DTWD2: variants seen among roughly 807,000 people sequenced by gnomAD.
DTWD2 encodes the protein tRNA-uridine aminocarboxypropyltransferase 2.
Under a neutral mutation model 31.8 loss-of-function variants are expected in DTWD2, and 39 were observed. The observed-to-expected ratio is 1.22, with a 90% CI of 0.95 to 1.60. DTWD2 has a LOEUF of 1.60. DTWD2 is among the 40% of genes most tolerant of loss of function. DTWD2 has a pLI of 0.00. For missense variants in DTWD2, 515 were observed against 381.5 expected (o/e 1.35, Z -2.92); for synonymous variants, 180 against 142.8 (o/e 1.26, Z -1.86).
Position 118,983,582 on chromosome 5 carries a change from T to G in DTWD2, c.218+4712A>C, listed in dbSNP as rs1178559217. ...CTCCAGAATATCCAAGCCTAAAGAA[T>G]AAGGAAAAGGTAATGATATGTGGAA... is the stretch of plus-strand genomic sequence containing the variant. On this transcript the variant is annotated intron_variant, in intron 1 of 5. Transcript: ENST00000510708. 2.6e-5 allele frequency among the ~76,000 whole-genome samples: 4 copies of G among 151,704 alleles called. No individual in the cohort carries two copies. In the South Asian group the frequency reaches 8.3e-4, roughly 32 times the overall value.
chr5:118,923,727 C>T (rs927587824), intron 4 of DTWD2, among the ~76,000 whole-genome samples: 1 of 152,162 alleles, frequency 6.6e-6, no homozygotes, highest in Admixed American at 6.5e-5. Flanking sequence ...GGTCTCTTTT[C>T]CTGCTTTATG....
intron 4 of DTWD2, among the ~76,000 whole-genome samples, chr5:118,884,685 C>T (rs531435779): frequency 1.5e-4 from 23 of 152,052 alleles, no homozygotes; most frequent in Non-Finnish European, 2.8e-4. Flanking sequence ...CCTATTTCTC[C>T]GGATGGTCAA....
rs533910875 is a variant in DTWD2 at position 118,973,884 on chromosome 5, G to A, written c.218+14410C>T. Reference sequence around the variant, plus strand: ...GAAGTTGTGGAAGAGGCAGAAAATGGAAGAGACGCCCCTGCTAACGGGAAT... The same window carrying A: ...GAAGTTGTGGAAGAGGCAGAAAATGAAAGAGACGCCCCTGCTAACGGGAAT... On this transcript the variant is annotated intron_variant, in intron 1 of 5. Transcript: ENST00000510708. 2.2e-4 allele frequency: 350 copies of A among 1,610,612 alleles called. No homozygotes were observed. The African/African-American group carries it at 4.1e-3, about 19-fold the overall frequency.
intron 1 of DTWD2, among the ~76,000 whole-genome samples, chr5:118,970,392 A>T (rs1378745102): frequency 2.0e-5 from 3 of 152,316 alleles, no homozygotes; most frequent in South Asian, 4.1e-4. Context: ...GCACCACGGC[A>T]CTCCAGCCTG....
chr5:118,913,567 G>C (rs983242395), intron 4 of DTWD2, among the ~76,000 whole-genome samples: 2 of 151,646 alleles, frequency 1.3e-5, no homozygotes, highest in African/African-American at 4.8e-5. Context: ...TATTTCACTT[G>C]TCACAAGAAC....
intron 1 of DTWD2, among the ~76,000 whole-genome samples, chr5:118,985,668 G>T (rs1403624151): frequency 2.0e-5 from 3 of 151,636 alleles, no homozygotes; most frequent in Non-Finnish European, 2.9e-5. Context: ...TAATTTCGAA[G>T]ACTGCCAAAG....
intron 4 of DTWD2, among the ~76,000 whole-genome samples, chr5:118,920,635 C>T (rs1753681999): frequency 6.6e-6 from 1 of 152,022 alleles, no homozygotes; most frequent in African/African-American, 2.4e-5. Context: ...AATGAAATCA[C>T]AATTTCAAAA....
intron 4 of DTWD2, among the ~76,000 whole-genome samples, chr5:118,916,386 C>A (rs1328545050): frequency 2.6e-5 from 4 of 152,136 alleles, no homozygotes; most frequent in Non-Finnish European, 5.9e-5. Flanking sequence ...GACATTAAGG[C>A]CGGGTGCAGT....
intron 4 of DTWD2, among the ~76,000 whole-genome samples, chr5:118,873,955 C>A (rs1051938298): frequency 1.3e-5 from 2 of 152,228 alleles, no homozygotes; most frequent in Non-Finnish European, 2.9e-5. Flanking sequence ...CATCCACCAG[C>A]ACTCTGTTGC....
In DTWD2 at chr5:118,988,307, A is replaced by T. The variant is rs1440866380; in HGVS notation, c.205T>A (p.Cys69Ser). ...CCCCGCGGTCACCTGCAGCGGGTGC[A>T]CTCAGGCCTCCGCTCGGCCGGCTCC... ...PVEPAERRPE[C>S]TRCSRPQKVC... The change falls in exon 1 of 6, where the codon TGC (cysteine) becomes AGC (serine). Residue 69 changes from cysteine (C) to serine (S), a missense_variant. Transcript: ENST00000510708. The T allele has an allele frequency of 2.0e-6, 3 of 1,523,708 alleles. No homozygotes were observed. Among genetic ancestry groups the T allele is most frequent in the Admixed American group, 4.1e-5 (2 of 48,598 alleles). 94.4% of individuals were successfully genotyped at this position (1,523,708 alleles called of 1,614,324 possible).
chr5:118,917,969 A>G (rs1017892448), intron 4 of DTWD2, among the ~76,000 whole-genome samples: 1 of 151,944 alleles, frequency 6.6e-6, no homozygotes, highest in Non-Finnish European at 1.5e-5. Flanking sequence ...TCAAAAAAAA[A>G]AAACCATCCA....
chr5:118,946,658 G>T (rs1308481104), intron 1 of DTWD2, among the ~76,000 whole-genome samples: 1 of 152,026 alleles, frequency 6.6e-6, no homozygotes, highest in Non-Finnish European at 1.5e-5. Context: ...GGTAGAGTTT[G>T]ACTTTGAATT....
At chr5:118,860,175 C>A (rs1426443414) in intron 4 of DTWD2, among the ~76,000 whole-genome samples, 1 of 149,350 alleles carries the variant, frequency 6.7e-6, no homozygotes, top group African/African-American at 2.4e-5. Context: ...ACTGCTATAA[C>A]TCATTATATA....
At chr5:118,852,618 T>C (rs1423626526) in intron 4 of DTWD2, among the ~76,000 whole-genome samples, 2 of 152,180 alleles carry the variant, frequency 1.3e-5, no homozygotes, top group South Asian at 4.1e-4. Context: ...ACACTGCTTG[T>C]GGGAATGTAA....
At chr5:118,846,118 T>C (rs979476910) in intron 5 of DTWD2, among the ~76,000 whole-genome samples, 1 of 152,186 alleles carries the variant, frequency 6.6e-6, no homozygotes, top group African/African-American at 2.4e-5. Flanking sequence ...CTAGAACATT[T>C]GTAAAATAAA....
At chr5:118,954,481 G>C (rs1754541035) in intron 1 of DTWD2, among the ~76,000 whole-genome samples, 1 of 152,134 alleles carries the variant, frequency 6.6e-6, no homozygotes, top group South Asian at 2.1e-4. Context: ...ACCTGGCATA[G>C]TAGGTGCTCA....
chr5:118,931,368 A>C (rs562374096), intron 3 of DTWD2, among the ~76,000 whole-genome samples: 1 of 150,796 alleles, frequency 6.6e-6, no homozygotes, highest in African/African-American at 2.4e-5. Flanking sequence ...CACTACACTC[A>C]AGCTTGAGCA....
chr5:118,886,580 T>G (rs979699729), intron 4 of DTWD2, among the ~76,000 whole-genome samples: 1 of 152,182 alleles, frequency 6.6e-6, no homozygotes, highest in Non-Finnish European at 1.5e-5. Flanking sequence ...GTAAGAAAAT[T>G]CATATAGAAG....
intron 4 of DTWD2, among the ~76,000 whole-genome samples, chr5:118,903,903 A>G (rs1753269509): frequency 6.6e-6 from 1 of 152,074 alleles, no homozygotes; most frequent in South Asian, 2.1e-4. Flanking sequence ...TACAGCATTC[A>G]TATCAGAGAA....
Sources: gnomAD v4.1 joint callset for allele counts (sites outside exome capture counted in the v4.1 genomes callset) on GRCh38, gnomAD v4.1.1 for gene constraint, MANE v1.5 for transcripts, NCBI Gene and HGNC (gene_info 2026-07-23, HGNC 2026-07-21) for gene names.